Variants in EEFSEC observed in about 807,000 individuals in gnomAD.
EEFSEC encodes the protein selenocysteine-specific elongation factor.
In EEFSEC, 43 loss-of-function variants were observed where a neutral mutation model predicts 42.1. That is an observed-to-expected ratio of 1.02 (90% CI 0.80 to 1.32). The LOEUF is 1.32. Among genes scored for constraint, EEFSEC ranks in the 40% most tolerant of loss-of-function variants. EEFSEC has a pLI of 0.00. For missense variants in EEFSEC, 745 were observed against 803.6 expected, an observed-to-expected ratio of 0.93 and a Z score of 0.88; for synonymous variants, 354 against 339.1, an observed-to-expected ratio of 1.04 and a Z score of -0.48.
intron 1 of EEFSEC, among the ~76,000 whole-genome samples, chr3:128,156,403 G>A (rs1944381848): frequency 6.6e-6 from 1 of 152,200 alleles, no homozygotes; most frequent in South Asian, 2.1e-4. Context: ...TCCTTTGCAT[G>A]CTTCCCCAGG....
chr3:128,164,884 G>A (rs1338192375), intron 1 of EEFSEC, among the ~76,000 whole-genome samples: 1 of 152,112 alleles, frequency 6.6e-6, no homozygotes, highest in Non-Finnish European at 1.5e-5. Context: ...GTGGTCCTAG[G>A]GCCTGTCATT....
chr3:128,154,346 A>G (rs1944330629), intron 1 of EEFSEC, among the ~76,000 whole-genome samples: 1 of 151,938 alleles, frequency 6.6e-6, no homozygotes, highest in South Asian at 2.1e-4. Context: ...TTCACTCAAC[A>G]TTGTGTCTGG....
chr3:128,163,105 TCTTAC>T (rs902850321), intron 1 of EEFSEC, among the ~76,000 whole-genome samples: 6 of 152,136 alleles, frequency 3.9e-5, no homozygotes, highest in African/African-American at 1.4e-4. Flanking sequence ...GATGAGATAC[TCTTAC>T]CTTAAGAGCT....
At chr3:128,276,103 C>A (rs921961792) in intron 4 of EEFSEC, among the ~76,000 whole-genome samples, 12 of 152,222 alleles carry the variant, frequency 7.9e-5, no homozygotes, top group African/African-American at 2.9e-4. Flanking sequence ...TGGCCCTCCT[C>A]ACCCTCCTGG....
At chr3:128,199,314 C>T (rs2065619687) in intron 1 of EEFSEC, among the ~76,000 whole-genome samples, 1 of 152,172 alleles carries the variant, frequency 6.6e-6, no homozygotes. Flanking sequence ...AGGGTTGGTG[C>T]CTATTCATCT....
intron 1 of EEFSEC, among the ~76,000 whole-genome samples, chr3:128,207,860 G>T (rs115520008): frequency 5.3e-5 from 8 of 152,036 alleles, no homozygotes; most frequent in Admixed American, 5.2e-4. Flanking sequence ...AGAGAGTTTC[G>T]ACATTCATCT....
At chr3:128,399,739 T>C (rs116051466) in intron 6 of EEFSEC, among the ~76,000 whole-genome samples, 2,240 of 151,742 alleles carry the variant, frequency 0.015, 52 homozygotes, top group African/African-American at 0.051. Flanking sequence ...CAGGGAGCGC[T>C]CACACTGGCT....
intron 1 of EEFSEC, among the ~76,000 whole-genome samples, chr3:128,180,076 C>A (rs956479401): frequency 6.7e-6 from 1 of 149,206 alleles, no homozygotes; most frequent in African/African-American, 2.5e-5. Flanking sequence ...TAGAGGAGAC[C>A]CCAATTTCCT....
chr3:128,224,020 G>A (rs762090039), intron 1 of EEFSEC, among the ~76,000 whole-genome samples: 7 of 150,622 alleles, frequency 4.6e-5, no homozygotes, highest in Non-Finnish European at 8.9e-5. Flanking sequence ...TGCTCTTTTT[G>A]TTATTTTCTA....
At chr3:128,176,818 C>T (rs1338407907) in intron 1 of EEFSEC, among the ~76,000 whole-genome samples, 1 of 151,988 alleles carries the variant, frequency 6.6e-6, no homozygotes, top group Non-Finnish European at 1.5e-5. Context: ...GAATATATAT[C>T]TAGTACATGA....
intron 1 of EEFSEC, among the ~76,000 whole-genome samples, chr3:128,220,224 C>T (rs1427941696): frequency 6.6e-6 from 1 of 152,154 alleles, no homozygotes; most frequent in Non-Finnish European, 1.5e-5. Context: ...TCTGTGCTCC[C>T]AAGCAAAGGT....
At chr3:128,285,852 T>A (rs377543433) in intron 4 of EEFSEC, among the ~76,000 whole-genome samples, 1 of 152,234 alleles carries the variant, frequency 6.6e-6, no homozygotes, top group African/African-American at 2.4e-5. Context: ...GTGCTGTGTG[T>A]GCTTCACCTT....
chr3:128,188,086 G>A (rs1480481320), intron 1 of EEFSEC, among the ~76,000 whole-genome samples: 1 of 152,086 alleles, frequency 6.6e-6, no homozygotes, highest in East Asian at 1.9e-4. Flanking sequence ...GTTTACCCTG[G>A]CATTGATGGG....
At chr3:128,221,657 C>T (rs1244170222) in intron 1 of EEFSEC, among the ~76,000 whole-genome samples, 2 of 152,144 alleles carry the variant, frequency 1.3e-5, no homozygotes, top group East Asian at 1.9e-4. Context: ...CAGAAAACAA[C>T]GTTTGCTGAA....
chr3:128,305,825 G>A (rs1005080052), intron 4 of EEFSEC, among the ~76,000 whole-genome samples: 1 of 151,802 alleles, frequency 6.6e-6, no homozygotes, highest in Non-Finnish European at 1.5e-5. Context: ...CTTTCATTGG[G>A]TAATTTGTCT....
At chr3:128,302,457 T>G (rs1310231671) in intron 4 of EEFSEC, among the ~76,000 whole-genome samples, 1 of 152,184 alleles carries the variant, frequency 6.6e-6, no homozygotes, top group Non-Finnish European at 1.5e-5. Context: ...GATTTCCAGC[T>G]TAGGTTTCAT....
intron 4 of EEFSEC, among the ~76,000 whole-genome samples, chr3:128,322,168 G>A (rs1251192504): frequency 6.6e-6 from 1 of 152,228 alleles, no homozygotes; most frequent in Non-Finnish European, 1.5e-5. Flanking sequence ...GTCAAGGAAG[G>A]AGCTTGCATT....
intron 4 of EEFSEC, among the ~76,000 whole-genome samples, chr3:128,339,579 A>T (rs1352826153): frequency 6.6e-6 from 1 of 152,216 alleles, no homozygotes; most frequent in African/African-American, 2.4e-5. Context: ...CAAACTGTGA[A>T]TGCAGAAATC....
chr3:128,413,061 GA>G (rs767743136), downstream of EEFSEC, among the ~76,000 whole-genome samples: 131 of 152,244 alleles, frequency 8.6e-4, no homozygotes, highest in Non-Finnish European at 6.9e-4. Context: ...GCAGGGCCTG[GA>G]GGTCAGGGCT....
Sources: allele counts gnomAD v4.1 joint callset (sites outside exome capture counted in the v4.1 genomes callset), GRCh38; gene constraint gnomAD v4.1.1; transcripts MANE v1.5; gene names NCBI Gene and HGNC (gene_info 2026-07-23, HGNC 2026-07-21).